The following BBS9 variants were observed in gnomAD, a reference collection of about 807,000 sequenced individuals.
BBS9 encodes protein PTHB1.
BBS9 carries 89 observed loss-of-function variants against 117.7 expected under a neutral mutation model. The observed-to-expected ratio is 0.76, with a 90% CI of 0.64 to 0.90. The LOEUF (loss-of-function observed/expected upper bound fraction) is 0.90, where lower values mean the gene tolerates loss of function less well. Ranked by LOEUF, BBS9 falls within the 40% of genes least tolerant of loss-of-function variation. The pLI is 0.00. For missense variants in BBS9, 982 were observed against 1,042.2 expected (o/e 0.94, Z 0.80); for synonymous variants, 379 against 370.9 (o/e 1.02, Z -0.25).
intron 21 of BBS9, among the ~76,000 whole-genome samples, chr7:33,627,085 G>C (rs1436823326): frequency 1.3e-5 from 2 of 152,232 alleles, no homozygotes; most frequent in Non-Finnish European, 2.9e-5. Flanking sequence ...GGCCCGGAGG[G>C]TTAGGAGGGA....
chr7:33,143,510 A>G (rs980571896), intron 1 of BBS9, among the ~76,000 whole-genome samples: 1 of 151,956 alleles, frequency 6.6e-6, no homozygotes, highest in Non-Finnish European at 1.5e-5. Flanking sequence ...ACTGATTTTC[A>G]GTTCAAAATT....
At chr7:33,171,659 G>T (rs1000984922) in intron 4 of BBS9, among the ~76,000 whole-genome samples, 2 of 151,816 alleles carry the variant, frequency 1.3e-5, no homozygotes, top group Non-Finnish European at 2.9e-5. Flanking sequence ...TAGCTTTTCT[G>T]TATCATATAA....
intron 21 of BBS9, among the ~76,000 whole-genome samples, chr7:33,536,793 A>G (rs943853679): frequency 3.0e-5 from 4 of 134,536 alleles, no homozygotes; most frequent in Non-Finnish European, 4.7e-5. Flanking sequence ...TATGAGAAAT[A>G]TATTAAAGAT....
At chr7:33,339,732 C>G (rs1005109242) in intron 10 of BBS9, among the ~76,000 whole-genome samples, 1 of 152,074 alleles carries the variant, frequency 6.6e-6, no homozygotes, top group Non-Finnish European at 1.5e-5. Flanking sequence ...GAAACATGTG[C>G]CAGCTCTCTC....
At chr7:33,168,079 T>A (rs1001169358) in intron 4 of BBS9, among the ~76,000 whole-genome samples, 8 of 152,198 alleles carry the variant, frequency 5.3e-5, no homozygotes, top group Admixed American at 5.2e-4. Context: ...AGATTAAAAA[T>A]CATTTCATGT....
chr7:33,146,181 C>A, intron 1 of BBS9, 61 bp from the exon 2 acceptor site: 1 of 1,178,174 alleles, frequency 8.5e-7, no homozygotes, highest in African/African-American at 1.5e-5. Context: ...TTTGCTATGC[C>A]TTAAGACATA....
chr7:33,406,209 G>C (rs1829953541), intron 19 of BBS9, among the ~76,000 whole-genome samples: 1 of 152,156 alleles, frequency 6.6e-6, no homozygotes. Context: ...CTGAGAGACA[G>C]TTTGTTATAA....
intron 21 of BBS9, among the ~76,000 whole-genome samples, chr7:33,624,608 T>G (rs1029636611): frequency 1.3e-5 from 2 of 152,244 alleles, no homozygotes; most frequent in Admixed American, 6.5e-5. Context: ...GATGTTAATA[T>G]AGGTCTTAAC....
intron 19 of BBS9, among the ~76,000 whole-genome samples, chr7:33,463,978 G>A (rs1584919660): frequency 6.6e-6 from 1 of 151,994 alleles, no homozygotes; most frequent in East Asian, 1.9e-4. Flanking sequence ...ATGTCCTTAA[G>A]TATTTTTAGA....
At chr7:33,322,852 T>C (rs941599981) in intron 9 of BBS9, among the ~76,000 whole-genome samples, 6 of 152,122 alleles carry the variant, frequency 3.9e-5, no homozygotes, top group African/African-American at 9.6e-5. Flanking sequence ...TTTTTCTACT[T>C]TTTAACTGTA....
intron 19 of BBS9, among the ~76,000 whole-genome samples, chr7:33,419,888 C>T (rs1832596833): frequency 6.6e-6 from 1 of 151,694 alleles, no homozygotes; most frequent in Admixed American, 6.6e-5. Context: ...TATGTCACAT[C>T]AAAGAGAAAA....
At chr7:33,579,229 A>C (rs182249947) in intron 21 of BBS9, among the ~76,000 whole-genome samples, 27 of 152,336 alleles carry the variant, frequency 1.8e-4, no homozygotes, top group Admixed American at 3.3e-4. Flanking sequence ...CCTCCAAAAA[A>C]GACAAACCAC....
At position 33,535,127 on chromosome 7, in the gene BBS9, G is replaced by T. The variant is rs543546818; in HGVS notation, c.2521+951G>T. Among the ~76,000 whole-genome samples the T allele has an allele frequency of 9.6e-4, 146 of 152,236 alleles. No homozygotes were observed. Among genetic ancestry groups the T allele is most frequent in the African/African-American group, 3.3e-3 (136 of 41,540 alleles). ...GAGACAGCATAGCATGATCTAATAG[G>T]CACAGACTGTGGAGACAGACAGAAC... is the stretch of plus-strand genomic sequence containing the variant. On this transcript the variant is annotated intron_variant, in intron 21 of 22. Transcript: ENST00000242067.
chr7:33,219,007 C>T (rs371070790), intron 5 of BBS9, among the ~76,000 whole-genome samples: 72 of 152,328 alleles, frequency 4.7e-4, no homozygotes, highest in Middle Eastern at 3.4e-3. Flanking sequence ...GGGCTGCGGG[C>T]GGCGCTTGCG....
intron 9 of BBS9, among the ~76,000 whole-genome samples, chr7:33,295,127 T>A (rs1288715407): frequency 1.3e-5 from 2 of 152,144 alleles, no homozygotes; most frequent in Admixed American, 6.5e-5. Flanking sequence ...ATTTTACACA[T>A]TTATACTGCT....
At chr7:33,158,906 TAGACAGAAAAAGGAAAGTGAC>T (rs71551990) in intron 4 of BBS9, among the ~76,000 whole-genome samples, 5 of 151,278 alleles carry the variant, frequency 3.3e-5, no homozygotes, top group African/African-American at 1.2e-4. Flanking sequence ...AGACGATTTA[TAGACAGAAAAAGGAAAGTGAC>T]AGACAGAAAA....
chr7:33,385,093 C>G (rs1405255192), intron 18 of BBS9, among the ~76,000 whole-genome samples: 1 of 151,990 alleles, frequency 6.6e-6, no homozygotes, highest in Non-Finnish European at 1.5e-5. Flanking sequence ...TGAAAGGGTC[C>G]ATGGAAAGAC....
At chr7:33,582,731 G>A (rs1037220430) in intron 21 of BBS9, among the ~76,000 whole-genome samples, 1 of 152,112 alleles carries the variant, frequency 6.6e-6, no homozygotes, top group Non-Finnish European at 1.5e-5. Context: ...CACATTGTAT[G>A]TTTACATGGA....
intron 21 of BBS9, among the ~76,000 whole-genome samples, chr7:33,590,334 A>G (rs1045756806): frequency 2.0e-5 from 3 of 151,960 alleles, no homozygotes; most frequent in Non-Finnish European, 4.4e-5. Context: ...GGGTCAAGAG[A>G]TAGTTAATTT....
Sources: gnomAD v4.1 joint callset for allele counts (sites outside exome capture counted in the v4.1 genomes callset) on GRCh38, gnomAD v4.1.1 for gene constraint, MANE v1.5 for transcripts, NCBI Gene and HGNC (gene_info 2026-07-23, HGNC 2026-07-21) for gene names.